SSBP2: variants seen among roughly 807,000 people sequenced by gnomAD.
SSBP2 encodes single stranded DNA binding protein 2, also known as single-stranded DNA-binding protein 2.
Under a neutral mutation model 61.8 loss-of-function variants are expected in SSBP2, and 17 were observed. The observed-to-expected ratio is 0.28, with a 90% CI of 0.19 to 0.41. The LOEUF is 0.41. Among genes scored for constraint, SSBP2 ranks in the 10% least tolerant of loss-of-function variants. The pLI is 1.00. For synonymous variants in SSBP2, 139 were observed against 141.3 expected (o/e 0.98, Z 0.12); for missense variants, 310 against 458.7 (o/e 0.68, Z 2.96).
intron 8 of SSBP2, among the ~76,000 whole-genome samples, chr5:81,472,382 T>G (rs1222139345): frequency 6.6e-6 from 1 of 152,148 alleles, no homozygotes; most frequent in African/African-American, 2.4e-5. Flanking sequence ...GGAAATTTTA[T>G]AGAGAAGTCA....
At chr5:81,744,121 T>G (rs1757206146) in intron 1 of SSBP2, among the ~76,000 whole-genome samples, 1 of 152,196 alleles carries the variant, frequency 6.6e-6, no homozygotes, top group African/African-American at 2.4e-5. Context: ...TGCAGACAAG[T>G]GCCAAACAAA....
intron 10 of SSBP2, among the ~76,000 whole-genome samples, chr5:81,459,340 C>T (rs533337433): frequency 9.2e-5 from 14 of 152,260 alleles, no homozygotes; most frequent in African/African-American, 3.1e-4. Flanking sequence ...CAATATCAAC[C>T]GCTCAAACCC....
At chr5:81,468,495 T>C (rs1765039128) in intron 8 of SSBP2, among the ~76,000 whole-genome samples, 1 of 152,002 alleles carries the variant, frequency 6.6e-6, no homozygotes, top group African/African-American at 2.4e-5. Flanking sequence ...CGTGGCTCTA[T>C]GAGGTATTCA....
At chr5:81,442,801 G>A in intron 12 of SSBP2, 78 bp from the exon 13 acceptor site, 2 of 739,422 alleles carry the variant, frequency 2.7e-6, no homozygotes, top group Non-Finnish European at 4.4e-6. Context: ...GATCAAAGAT[G>A]GTTTGCATAC....
At chr5:81,505,151 T>C (rs1244380271) in intron 5 of SSBP2, among the ~76,000 whole-genome samples, 1 of 91,262 alleles carries the variant, frequency 1.1e-5, no homozygotes, top group African/African-American at 4.3e-5. Flanking sequence ...CCATCACCTG[T>C]TTTTTTTTGT....
At chr5:81,588,950 G>A (rs1286586344) in intron 4 of SSBP2, among the ~76,000 whole-genome samples, 1 of 152,136 alleles carries the variant, frequency 6.6e-6, no homozygotes, top group Admixed American at 6.6e-5. Context: ...TGTAGTCTCA[G>A]CTACTCAGGA....
intron 1 of SSBP2, among the ~76,000 whole-genome samples, chr5:81,711,486 A>G (rs1400082868): frequency 6.6e-6 from 1 of 152,152 alleles, no homozygotes; most frequent in Non-Finnish European, 1.5e-5. Context: ...ATGTGAATCA[A>G]TGACAGTTCA....
At chr5:81,613,021 A>T (rs1745608225) in intron 4 of SSBP2, among the ~76,000 whole-genome samples, 1 of 152,116 alleles carries the variant, frequency 6.6e-6, no homozygotes, top group Non-Finnish European at 1.5e-5. Context: ...CCATAAAAGA[A>T]ATTAATGTAT....
chr5:81,450,759 T>A (rs1219368740), intron 10 of SSBP2, among the ~76,000 whole-genome samples: 1 of 152,242 alleles, frequency 6.6e-6, no homozygotes, highest in East Asian at 1.9e-4. Flanking sequence ...CTCTCCTTCA[T>A]GGCACTGTCA....
At chr5:81,554,495 A>C (rs1340937373) in intron 4 of SSBP2, among the ~76,000 whole-genome samples, 2 of 151,448 alleles carry the variant, frequency 1.3e-5, no homozygotes, top group Non-Finnish European at 3.0e-5. Flanking sequence ...CTCAAATTTT[A>C]TATTTCACAT....
At chr5:81,442,557 A>C in intron 13 of SSBP2, 96 bp downstream of exon 13, 1 of 688,524 alleles carries the variant, frequency 1.5e-6, no homozygotes, top group Non-Finnish European at 2.5e-6. Flanking sequence ...CCTGGATAAT[A>C]AAATATAAAG....
chr5:81,608,878 A>G (rs954626308), intron 4 of SSBP2, among the ~76,000 whole-genome samples: 1 of 152,218 alleles, frequency 6.6e-6, no homozygotes, highest in African/African-American at 2.4e-5. Context: ...AGGAAAAGAC[A>G]GTGTTCAGGC....
intron 12 of SSBP2, 85 bp downstream of exon 12, chr5:81,446,783 C>T: frequency 1.5e-6 from 2 of 1,349,916 alleles, no homozygotes; most frequent in African/African-American, 1.5e-5. Flanking sequence ...ATGAATACTA[C>T]TAACTTTATT....
chr5:81,469,659 C>T (rs371901677), intron 8 of SSBP2, among the ~76,000 whole-genome samples: 1 of 151,828 alleles, frequency 6.6e-6, no homozygotes, highest in Non-Finnish European at 1.5e-5. Context: ...ACACAGTAGG[C>T]CTTCCATGAA....
intron 4 of SSBP2, among the ~76,000 whole-genome samples, chr5:81,522,229 T>C (rs532366128): frequency 6.6e-6 from 1 of 152,170 alleles, no homozygotes; most frequent in East Asian, 1.9e-4. Flanking sequence ...AATGGCATTA[T>C]TTGAGAAATG....
At chr5:81,707,261 GA>G (rs966304824) in intron 1 of SSBP2, among the ~76,000 whole-genome samples, 2 of 151,768 alleles carry the variant, frequency 1.3e-5, no homozygotes, top group Admixed American at 1.3e-4. Context: ...TCCATCCCCA[GA>G]AAGATATGTT....
chr5:81,574,336 T>C (rs1471686415), intron 4 of SSBP2, among the ~76,000 whole-genome samples: 3 of 150,754 alleles, frequency 2.0e-5, no homozygotes, highest in Non-Finnish European at 3.0e-5. Flanking sequence ...TGAAAAAAAA[T>C]AATGGGCTAA....
rs146193577 is a variant in SSBP2 at position 81,426,995 on chromosome 5, C to T, written c.1056+1590G>A. On this transcript the variant is annotated intron_variant, in intron 16 of 16. Transcript: ENST00000320672. ...CATCTGTTTTTCCTATTGGGTTGCA[C>T]TCTTTGAAAGTAGGTGTTATATTTA... is the stretch of plus-strand genomic sequence containing the variant. Among the ~76,000 whole-genome samples, 6 of 152,298 alleles carry T rather than the reference C, an allele frequency of 3.9e-5. No homozygotes were observed. The East Asian group carries it at 1.2e-3, about 29-fold the overall frequency.
intron 1 of SSBP2, among the ~76,000 whole-genome samples, chr5:81,703,575 A>C (rs553905707): frequency 7.9e-4 from 120 of 152,262 alleles, no homozygotes; most frequent in African/African-American, 2.8e-3. Flanking sequence ...TAAAATTTAA[A>C]AAAAGAAAAA....
Sources: gnomAD v4.1 joint callset for allele counts (sites outside exome capture counted in the v4.1 genomes callset) on GRCh38, gnomAD v4.1.1 for gene constraint, MANE v1.5 for transcripts, NCBI Gene and HGNC (gene_info 2026-07-23, HGNC 2026-07-21) for gene names.